LANCL3: variants seen among roughly 807,000 people sequenced by gnomAD.
LANCL3 encodes the protein LanC like family member 3.
Under a neutral mutation model 26.5 loss-of-function variants are expected in LANCL3, and 19 were observed. The observed-to-expected ratio is 0.72, with a 90% CI of 0.50 to 1.05. The LOEUF is 1.05. LANCL3 is among the 50% of genes least tolerant of loss of function. The pLI is 0.00. For synonymous variants in LANCL3, 160 were observed against 166.6 expected, an observed-to-expected ratio of 0.96 and a Z score of 0.30; for missense variants, 318 against 362.7, an observed-to-expected ratio of 0.88 and a Z score of 1.00.
chrX:37,590,786 C>T (rs782642350), intron 1 of LANCL3, among the ~76,000 whole-genome samples: 3 of 111,226 alleles, frequency 2.7e-5, no homozygotes, highest in Non-Finnish European at 3.8e-5. Flanking sequence ...GTTTCTTACA[C>T]GTGAACATGC....
chrX:37,572,055 A>T lies in LANCL3; in HGVS notation c.185A>T (p.Gln62Leu), dbSNP rs1168871792. 5.9e-6 allele frequency: 7 copies of T among 1,179,174 alleles called. No individual in the cohort carries two copies. The highest frequency in any genetic ancestry group is 5.3e-5 in the African/African-American group (3 of 56,777). Residue 62 changes from glutamine (Q) to leucine (L), a missense_variant, in exon 1 of 5, where the codon CAG becomes CTG. By Grantham distance (113) the Gln-to-Leu change is moderately radical. Coordinates refer to ENST00000378619, the MANE Select transcript of LANCL3 (RefSeq NM_001170331.2). ...GCGACGGCGGGGGCTAGCGCCTGCC[A>T]GGGGGGGCTTTATGGCGGCGTGGCC... is the stretch of plus-strand genomic sequence containing the variant. The part of the protein sequence containing the change: ...RGATAGASAC[Q>L]GGLYGGVAGV...
chrX:37,575,188 A>C (rs1923714896), intron 1 of LANCL3, among the ~76,000 whole-genome samples: 1 of 109,953 alleles, frequency 9.1e-6, no homozygotes, highest in African/African-American at 3.4e-5. Context: ...CAGTCTCCTA[A>C]AGTCCTGGGA....
At chrX:37,657,542 A>ATTT (rs34071239) in intron 2 of LANCL3, among the ~76,000 whole-genome samples, 2 of 92,513 alleles carry the variant, frequency 2.2e-5, no homozygotes, top group Non-Finnish European at 2.2e-5. Context: ...TTTATCTTTA[A>ATTT]TTTTTTTTTT....
chrX:37,654,974 G>A (rs184717719), intron 1 of LANCL3, among the ~76,000 whole-genome samples: 5 of 112,609 alleles, frequency 4.4e-5, no homozygotes, highest in Non-Finnish European at 7.5e-5. Flanking sequence ...TGGCTAACCT[G>A]AGCAGAATCT....
intron 1 of LANCL3, among the ~76,000 whole-genome samples, chrX:37,597,950 G>A (rs1193011475): frequency 9.1e-6 from 1 of 110,091 alleles, no homozygotes; most frequent in African/African-American, 3.3e-5. Flanking sequence ...GTGCTTATTG[G>A]CCATTTGCAC....
At chrX:37,667,200 T>G in intron 3 of LANCL3, 82 bp from the exon 4 acceptor site, 361 of 564,976 alleles carry the variant, frequency 6.4e-4, no homozygotes, top group Non-Finnish European at 8.4e-4. Flanking sequence ...AGGTGATTCA[T>G]GAGCTTTTTA....
intron 1 of LANCL3, among the ~76,000 whole-genome samples, chrX:37,612,034 G>A (rs1158198850): frequency 4.4e-4 from 49 of 110,581 alleles, no homozygotes; most frequent in Non-Finnish European, 1.1e-4. Flanking sequence ...TCCGCCTCCC[G>A]GATTCAAGCA....
intron 1 of LANCL3, among the ~76,000 whole-genome samples, chrX:37,605,921 T>C (rs1407259201): frequency 1.1e-4 from 12 of 111,699 alleles, no homozygotes; most frequent in Non-Finnish European, 2.3e-4. Flanking sequence ...ATAAATTTTG[T>C]ATTGTCTGAA....
chrX:37,649,187 A>G (rs1387198567), intron 1 of LANCL3, among the ~76,000 whole-genome samples: 1 of 112,370 alleles, frequency 8.9e-6, no homozygotes, highest in Non-Finnish European at 1.9e-5. Context: ...TACAATAGCA[A>G]AGTCATGGAA....
intron 1 of LANCL3, among the ~76,000 whole-genome samples, chrX:37,579,500 T>C (rs1304422804): frequency 9.0e-6 from 1 of 111,092 alleles, no homozygotes; most frequent in Non-Finnish European, 1.9e-5. Flanking sequence ...ATGCCCCAGG[T>C]GGGAAGGAGA....
At chrX:37,610,632 C>T (rs1208089235) in intron 1 of LANCL3, among the ~76,000 whole-genome samples, 4 of 111,799 alleles carry the variant, frequency 3.6e-5, no homozygotes, top group African/African-American at 1.3e-4. Context: ...CTTTTCCCCC[C>T]ATCTTTGTTC....
At chrX:37,584,692 A>G (rs1556417564) in intron 1 of LANCL3, among the ~76,000 whole-genome samples, 2 of 110,660 alleles carry the variant, frequency 1.8e-5, no homozygotes, top group South Asian at 3.8e-4. Context: ...TATTGTATCT[A>G]TCTGATTCTT....
rs782668132 is a variant in LANCL3 at position 37,617,562 on chromosome X, A to G, written c.574-38126A>G. On this transcript the variant is annotated intron_variant, in intron 1 of 4. Transcript: ENST00000378619. ...TCTAGAGGCCTCCCAGCAAATCTCC[A>G]CTATGTCTGATTTACTAGAACTAGA... 3.6e-5 allele frequency among the ~76,000 whole-genome samples: 4 copies of G among 111,804 alleles called. No homozygotes were observed. In the South Asian group the frequency reaches 1.1e-3, roughly 32 times the overall value.
intron 1 of LANCL3, among the ~76,000 whole-genome samples, chrX:37,587,390 A>G (rs1377913063): frequency 8.9e-6 from 1 of 112,656 alleles, no homozygotes; most frequent in African/African-American, 3.2e-5. Flanking sequence ...CCCTGCCCCC[A>G]GTGGTGGAGT....
At position 37,679,750 on chromosome X, in the gene LANCL3, T is replaced by C. The variant is rs1926889560; in HGVS notation, c.*3937T>C. Reference sequence around the variant, plus strand: ...TCAAATTTGCCGAGCCCGTGTAATATTGGTATAAATTTGGCAAGGAAAGCA... The same window carrying C: ...TCAAATTTGCCGAGCCCGTGTAATACTGGTATAAATTTGGCAAGGAAAGCA... On this transcript the variant is annotated 3_prime_UTR_variant, in exon 5 of 5. Coordinates refer to ENST00000378619, the MANE Select transcript of LANCL3 (RefSeq NM_001170331.2). The C allele has an allele frequency of 9.0e-6, 1 of 111,101 alleles. No individual in the cohort carries two copies. Among genetic ancestry groups the C allele is most frequent in the African/African-American group, 3.3e-5 (1 of 30,501 alleles). 9.2% of individuals were successfully genotyped at this position (111,101 alleles called of 1,213,427 possible). A position where few individuals can be genotyped will look rare whatever the true frequency, so the allele number is the denominator to read the frequency against.
chrX:37,632,173 C>G (rs1208516346), intron 1 of LANCL3, among the ~76,000 whole-genome samples: 3 of 112,171 alleles, frequency 2.7e-5, no homozygotes, highest in Non-Finnish European at 5.6e-5. Context: ...ATAGTTAGCT[C>G]TTCTTGTTGA....
chrX:37,588,682 T>G (rs1924180103), intron 1 of LANCL3, among the ~76,000 whole-genome samples: 2 of 111,834 alleles, frequency 1.8e-5, no homozygotes, highest in South Asian at 7.5e-4. Context: ...CTTTTCTGAA[T>G]AGCTTTAACC....
chrX:37,612,553 A>T (rs1233883605), intron 1 of LANCL3, among the ~76,000 whole-genome samples: 1 of 112,576 alleles, frequency 8.9e-6, no homozygotes, highest in African/African-American at 3.2e-5. Flanking sequence ...TTAACACTTG[A>T]TGTATTATGC....
chrX:37,579,612 G>A (rs782579778), intron 1 of LANCL3, among the ~76,000 whole-genome samples: 47 of 111,491 alleles, frequency 4.2e-4, no homozygotes, highest in African/African-American at 1.4e-3. Context: ...TTTGGACCCC[G>A]GATGTCTGCT....
Sources: allele counts gnomAD v4.1 joint callset (sites outside exome capture counted in the v4.1 genomes callset), GRCh38; gene constraint gnomAD v4.1.1; transcripts MANE v1.5; gene names NCBI Gene and HGNC (gene_info 2026-07-23, HGNC 2026-07-21).